PTPN13: variants seen among roughly 807,000 people sequenced by gnomAD.
PTPN13 encodes protein tyrosine phosphatase non-receptor type 13.
A neutral mutation model predicts 284.0 loss-of-function variants in PTPN13; 191 were observed. The ratio of observed to expected loss-of-function variants is 0.67; its 90% CI spans 0.60 to 0.76. The LOEUF (loss-of-function observed/expected upper bound fraction) is 0.76. Ranked by LOEUF, PTPN13 falls within the 30% of genes least tolerant of loss-of-function variation. The probability of loss-of-function intolerance (pLI) is 0.00; values close to 1 mark genes in which losing one functional copy is unlikely to be tolerated. For missense variants in PTPN13, 2,797 were observed against 2,939.9 expected (o/e 0.95, Z 1.12); for synonymous variants, 986 against 1,022.3 (o/e 0.96, Z 0.68).
At chr4:86,596,872 A>G (rs1434973144) in intron 1 of PTPN13, among the ~76,000 whole-genome samples, 3 of 152,200 alleles carry the variant, frequency 2.0e-5, no homozygotes, top group East Asian at 3.9e-4. Flanking sequence ...ATTTTTATGC[A>G]TAATTAAATT....
intron 3 of PTPN13, among the ~76,000 whole-genome samples, 163 bp downstream of exon 3, chr4:86,672,706 T>C (rs1391541753): frequency 6.6e-6 from 1 of 152,242 alleles, no homozygotes; most frequent in African/African-American, 2.4e-5. Context: ...AAAATAGTTT[T>C]ATAAAGATTT....
At position 86,782,298 on chromosome 4, in the gene PTPN13, C is replaced by T. The variant is rs1283971067; in HGVS notation, c.6024+36C>T. On this transcript the variant is annotated intron_variant, in intron 37 of 47. Coordinates refer to ENST00000411767, the MANE Select transcript of PTPN13 (RefSeq NM_080683.3). ...GCCCACCCTCTTTCATGTCATACCT[C>T]CTTATCTGAGGAACTGCATGTTTGT... 11 of 1,515,416 alleles carry T rather than the reference C, an allele frequency of 7.3e-6. No homozygotes were observed. The South Asian group carries it at 9.0e-5, about 12-fold the overall frequency. The allele number at this position is 1,515,416 out of a possible 1,614,324, so 93.9% of individuals were successfully genotyped here.
rs1156631205 is a variant in PTPN13, at chr4:86,762,273, G to A, written c.3554-454G>A. Among the ~76,000 whole-genome samples the A allele has an allele frequency of 5.3e-5, 8 of 152,290 alleles. No individual in the cohort carries two copies. In the East Asian group the frequency reaches 5.8e-4, roughly 11 times the overall value. Reference sequence around the variant, plus strand: ...CAGGATTACAGGCATGAGCCACTGCGCTTGGCCTAAAGTGGCTTTTGATAA... The same window carrying A: ...CAGGATTACAGGCATGAGCCACTGCACTTGGCCTAAAGTGGCTTTTGATAA... On this transcript the variant is annotated intron_variant, in intron 23 of 47. Transcript: ENST00000411767.
intron 7 of PTPN13, among the ~76,000 whole-genome samples, chr4:86,712,436 C>A (rs1458269602): frequency 6.6e-6 from 1 of 151,714 alleles, no homozygotes; most frequent in Admixed American, 6.6e-5. Flanking sequence ...CTGCAAGATT[C>A]TCTTGGTAAA....
chr4:86,621,317 G>A (rs986886510), intron 1 of PTPN13, among the ~76,000 whole-genome samples: 4 of 152,030 alleles, frequency 2.6e-5, no homozygotes, highest in Middle Eastern at 3.2e-3. Flanking sequence ...AGACTTTACC[G>A]TATAAATTTT....
chr4:86,734,086 T>C (rs1735236923), intron 12 of PTPN13, among the ~76,000 whole-genome samples: 1 of 152,164 alleles, frequency 6.6e-6, no homozygotes, highest in Non-Finnish European at 1.5e-5. Context: ...AATCTAGGAC[T>C]GTATGTCTTT....
At chr4:86,793,344 A>C (rs892425004) in intron 40 of PTPN13, among the ~76,000 whole-genome samples, 1 of 152,224 alleles carries the variant, frequency 6.6e-6, no homozygotes, top group Non-Finnish European at 1.5e-5. Context: ...GAGCACCCAG[A>C]TTCATAAAGC....
At chr4:86,759,204 A>G in intron 23 of PTPN13, 131 bp downstream of exon 23, 1 of 894,606 alleles carries the variant, frequency 1.1e-6, no homozygotes, top group Non-Finnish European at 1.7e-6. Context: ...TGATTACTTA[A>G]TGTGTTCCAT....
chr4:86,794,079 T>A (rs76198280), intron 40 of PTPN13, among the ~76,000 whole-genome samples: 2,605 of 152,168 alleles, frequency 0.017, 57 homozygotes, highest in African/African-American at 0.06. Flanking sequence ...TTTGAAAATA[T>A]CAACAAAATA....
chr4:86,751,923 A>ATGTG (rs3035339), intron 19 of PTPN13, among the ~76,000 whole-genome samples: 12,432 of 149,110 alleles, frequency 0.083, 645 homozygotes, highest in Non-Finnish European at 0.12. Context: ...AATTGTATGT[A>ATGTG]TGTGTGTGTG....
chr4:86,761,167 T>TA (rs1738641153), intron 23 of PTPN13, among the ~76,000 whole-genome samples: 1 of 145,968 alleles, frequency 6.9e-6, no homozygotes, highest in Admixed American at 6.9e-5. Flanking sequence ...TATATATATA[T>TA]ATAAACACAA....
chr4:86,783,279 A>T (rs1565568808), intron 37 of PTPN13, among the ~76,000 whole-genome samples: 1 of 152,194 alleles, frequency 6.6e-6, no homozygotes. Flanking sequence ...TGTTATTTGT[A>T]TGTGTTGAAA....
In PTPN13 at chr4:86,701,559, C is replaced by T. The variant is rs1183321804; in HGVS notation, c.953C>T (p.Thr318Ile). ...GACAGAGACTTCTCTTCAGGAGAGA[C>T]TGCCACATATCGTCGTTGTCACCCT... Reference protein sequence around the residue: ...TADRDFSSGETATYRRCHPEA... With the variant: ...TADRDFSSGEIATYRRCHPEA... The change falls in exon 7 of 48, where the codon ACT becomes ATT. Residue 318 changes from threonine (T) to isoleucine (I), a missense_variant. Coordinates refer to ENST00000411767, the MANE Select transcript of PTPN13 (RefSeq NM_080683.3). The T allele has an allele frequency of 9.9e-6, 16 of 1,613,778 alleles. No homozygotes were observed. The Admixed American group carries it at 2.2e-4, about 22-fold the overall frequency.
intron 16 of PTPN13, among the ~76,000 whole-genome samples, chr4:86,743,166 C>G (rs927594686): frequency 1.3e-5 from 2 of 152,116 alleles, no homozygotes; most frequent in Non-Finnish European, 2.9e-5. Context: ...TCCATTAACA[C>G]TTGGAGAGAA....
chr4:86,677,812 T>C (rs1480113009), intron 3 of PTPN13, among the ~76,000 whole-genome samples: 1 of 152,232 alleles, frequency 6.6e-6, no homozygotes, highest in Non-Finnish European at 1.5e-5. Flanking sequence ...TGTTTTGCTC[T>C]AGTCAGATAA....
intron 1 of PTPN13, among the ~76,000 whole-genome samples, chr4:86,620,836 A>G (rs1174833315): frequency 6.6e-6 from 1 of 152,222 alleles, no homozygotes; most frequent in African/African-American, 2.4e-5. Context: ...TCTGGGAATT[A>G]TAGAAGTGAT....
intron 6 of PTPN13, among the ~76,000 whole-genome samples, chr4:86,701,029 A>G (rs563160759): frequency 6.6e-6 from 1 of 152,218 alleles, no homozygotes; most frequent in Non-Finnish European, 1.5e-5. Flanking sequence ...TATTGCTTTT[A>G]TTAGATAAGA....
At chr4:86,788,363 A>G (rs1266317313) in intron 40 of PTPN13, among the ~76,000 whole-genome samples, 1 of 152,172 alleles carries the variant, frequency 6.6e-6, no homozygotes, top group Non-Finnish European at 1.5e-5. Context: ...TTCTGACAAT[A>G]ATCTTTTGTA....
At chr4:86,618,642 C>A (rs1232760485) in intron 1 of PTPN13, among the ~76,000 whole-genome samples, 1 of 152,176 alleles carries the variant, frequency 6.6e-6, no homozygotes, top group African/African-American at 2.4e-5. Context: ...AGGTCCTTCA[C>A]ATCCCTTGTA....
Sources: gnomAD v4.1 joint callset for allele counts (sites outside exome capture counted in the v4.1 genomes callset) on GRCh38, gnomAD v4.1.1 for gene constraint, MANE v1.5 for transcripts, NCBI Gene and HGNC (gene_info 2026-07-23, HGNC 2026-07-21) for gene names.